Variants in ZDHHC6 observed in about 807,000 individuals in gnomAD.
ZDHHC6 encodes zDHHC palmitoyltransferase 6.
In ZDHHC6, 32 loss-of-function variants were observed where a neutral mutation model predicts 57.8. The observed-to-expected ratio is 0.55, with a 90% CI of 0.42 to 0.74. The LOEUF (loss-of-function observed/expected upper bound fraction) is 0.74, where lower values mean the gene tolerates loss of function less well. ZDHHC6 is among the 30% of genes least tolerant of loss of function. The pLI is 0.00. For synonymous variants in ZDHHC6, 128 were observed against 158.0 expected, an observed-to-expected ratio of 0.81 and a Z score of 1.42; for missense variants, 433 against 500.7, an observed-to-expected ratio of 0.86 and a Z score of 1.29.
downstream of ZDHHC6, chr10:112,428,214 C>G (rs981675683): frequency 2.7e-6 from 1 of 374,166 alleles, no homozygotes; most frequent in South Asian, 1.5e-4. Context: ...GAACAAAGAT[C>G]TACAGGCAAG....
chr10:112,428,770 C>CAAA (rs11311716), downstream of ZDHHC6, among the ~76,000 whole-genome samples: 1 of 144,108 alleles, frequency 6.9e-6, no homozygotes, highest in Non-Finnish European at 1.5e-5. Context: ...GACTCTGTCT[C>CAAA]AAAAAAAAAA....
intron 5 of ZDHHC6, among the ~76,000 whole-genome samples, chr10:112,439,246 C>T (rs1336126999): frequency 6.6e-6 from 1 of 152,134 alleles, no homozygotes; most frequent in Non-Finnish European, 1.5e-5. Context: ...CCCAGGAGTC[C>T]TCATCATATT....
chr10:112,445,457 T>C lies in ZDHHC6; in HGVS notation c.-21A>G, dbSNP rs1181097105. 6.2e-7 allele frequency: 1 copy of C among 1,605,396 alleles called. No individual in the cohort carries two copies. Among genetic ancestry groups the C allele is most frequent in the African/African-American group, 1.3e-5 (1 of 74,430 alleles). On this transcript the variant is annotated 5_prime_UTR_variant, in exon 2 of 11. Transcript: ENST00000369405. ...CCCATTTTGGCAAGGAAGAATGCCTTCCTACTTTAAAAGAATTATAGATTT... is the reference window on the plus strand; with the variant it reads ...CCCATTTTGGCAAGGAAGAATGCCTCCCTACTTTAAAAGAATTATAGATTT...
intron 1 of ZDHHC6, among the ~76,000 whole-genome samples, chr10:112,446,150 T>C (rs576269468): frequency 3.3e-5 from 5 of 152,278 alleles, no homozygotes; most frequent in South Asian, 2.1e-4. Context: ...GAGTCAGACA[T>C]GGTCTATGCC....
At chr10:112,439,628 T>TAAAAAAAAAAAAAAAAAACAAAAA (rs1845896313) in intron 5 of ZDHHC6, among the ~76,000 whole-genome samples, 1 of 31,298 alleles carries the variant, frequency 3.2e-5, no homozygotes, top group African/African-American at 1.6e-4. Context: ...AGACTCCGTC[T>TAAAAAAAAAAAAAAAAAACAAAAA]AAAAAAAAAA....
chr10:112,440,260 C>G (rs529603449), intron 5 of ZDHHC6, among the ~76,000 whole-genome samples: 1 of 152,274 alleles, frequency 6.6e-6, no homozygotes, highest in Non-Finnish European at 1.5e-5. Flanking sequence ...GCAAGAGAGA[C>G]TGTACAGGTG....
chr10:112,433,477 G>A (rs1034558003), intron 7 of ZDHHC6, 196 bp from the exon 8 acceptor site: 11 of 453,318 alleles, frequency 2.4e-5, no homozygotes, highest in Non-Finnish European at 3.9e-5. Flanking sequence ...GGCTGAGAGT[G>A]AGGTTTTCTT....
intron 4 of ZDHHC6, among the ~76,000 whole-genome samples, chr10:112,441,275 A>C (rs1288260983): frequency 6.6e-6 from 1 of 152,268 alleles, no homozygotes; most frequent in Non-Finnish European, 1.5e-5. Flanking sequence ...CAACATTAAC[A>C]TACATAAACA....
At chr10:112,447,505 G>A (rs772521819), upstream of ZDHHC6, 1 of 1,605,748 alleles carries the variant, frequency 6.2e-7, no homozygotes, top group South Asian at 1.1e-5. Flanking sequence ...GTGCTGGGGA[G>A]AGCTGGGAGG....
chr10:112,431,377 G>A (rs1002013178), intron 10 of ZDHHC6, among the ~76,000 whole-genome samples: 7 of 151,372 alleles, frequency 4.6e-5, no homozygotes, highest in Admixed American at 2.0e-4. Flanking sequence ...GCAGTGGCAC[G>A]ATCTCAGATT....
At chr10:112,437,770 A>G (rs547768801) in intron 6 of ZDHHC6, among the ~76,000 whole-genome samples, 105 of 152,318 alleles carry the variant, frequency 6.9e-4, no homozygotes, top group African/African-American at 2.5e-3. Context: ...GCTCCCCTTC[A>G]TGGACGTTAT....
At chr10:112,428,294 G>A, downstream of ZDHHC6, 2 of 393,270 alleles carry the variant, frequency 5.1e-6, no homozygotes, top group Non-Finnish European at 9.0e-6. Flanking sequence ...TTGGATTAGA[G>A]TTCCTGCTCT....
chr10:112,443,090 A>T (rs1454512280), intron 3 of ZDHHC6, among the ~76,000 whole-genome samples: 2 of 152,178 alleles, frequency 1.3e-5, no homozygotes. Context: ...CTGGATTATT[A>T]GATGTGTATA....
intron 2 of ZDHHC6, among the ~76,000 whole-genome samples, chr10:112,443,814 A>C (rs1846382528): frequency 1.3e-5 from 2 of 152,012 alleles, no homozygotes; most frequent in Non-Finnish European, 2.9e-5. Context: ...GTCCTTTTAA[A>C]TTTTTCTTCC....
chr10:112,426,988 T>G, downstream of ZDHHC6: 13 of 936,606 alleles, frequency 1.4e-5, no homozygotes, highest in Non-Finnish European at 2.1e-5. Flanking sequence ...AACTACAAAA[T>G]GACCTTTTGT....
At position 112,445,527 on chromosome 10, in the gene ZDHHC6, GTTCT is replaced by G; in HGVS notation, c.-95_-92del. 1 of 1,431,082 alleles carries G rather than the reference GTTCT, an allele frequency of 7.0e-7. No individual in the cohort carries two copies. Among genetic ancestry groups the G allele is most frequent in the South Asian group, 1.3e-5 (1 of 74,584 alleles). 88.6% of individuals were successfully genotyped at this position (1,431,082 alleles called of 1,614,324 possible). A position where few individuals can be genotyped will look rare whatever the true frequency, so the allele number is the denominator to read the frequency against. On this transcript the variant is annotated 5_prime_UTR_variant, in exon 2 of 11. An upstream open reading frame in the 5' UTR gains an earlier in-frame stop. Transcript: ENST00000369405. Reference sequence around the variant, plus strand: ...TTCCATGTGCCACAAGTCCATGTGTGTTCTTTAATTGTCATGCCTTCAAGCTGTG... The same window carrying G: ...TTCCATGTGCCACAAGTCCATGTGTGTTAATTGTCATGCCTTCAAGCTGTG...
At position 112,445,258 on chromosome 10, in the gene ZDHHC6, A is replaced by G. The variant is rs749170074; in HGVS notation, c.179T>C (p.Met60Thr). ...AATCATGACAGTCCAATTTATCAAC[A>G]TGATGAAATTCACACTTCCTCCAGT... ...HTTGGSVNFI[M>T]LINWTVMILY... Residue 60 changes from methionine (M) to threonine (T), a missense_variant, in exon 2 of 11, where the codon ATG (methionine) becomes ACG (threonine). By Grantham distance (81) the Met-to-Thr change is moderately conservative. Transcript: ENST00000369405. 8 of 1,614,230 alleles carry G rather than the reference A, an allele frequency of 5.0e-6. No individual in the cohort carries two copies. In the South Asian group the frequency reaches 7.7e-5, roughly 16 times the overall value.
chr10:112,426,023 A>C (rs1173471293), downstream of ZDHHC6, among the ~76,000 whole-genome samples: 1 of 152,188 alleles, frequency 6.6e-6, no homozygotes, highest in Non-Finnish European at 1.5e-5. Flanking sequence ...CTTTAAGCTT[A>C]ATGTTGAAGG....
intron 2 of ZDHHC6, 150 bp downstream of exon 2, chr10:112,445,020 C>T (rs573195561): frequency 5.6e-5 from 51 of 913,862 alleles, no homozygotes; most frequent in South Asian, 4.3e-4. Context: ...ATAAAGTCTC[C>T]GAGCCTAAAT....
Sources: allele counts gnomAD v4.1 joint callset (sites outside exome capture counted in the v4.1 genomes callset), GRCh38; gene constraint gnomAD v4.1.1; transcripts MANE v1.5; gene names NCBI Gene and HGNC (gene_info 2026-07-23, HGNC 2026-07-21).